Variants in FOXP1 observed in about 807,000 individuals in gnomAD.
FOXP1 encodes the protein forkhead box P1, also known as forkhead box protein P1.
A neutral mutation model predicts 98.2 loss-of-function variants in FOXP1; 15 were observed. The ratio of observed to expected loss-of-function variants is 0.15; its 90% CI spans 0.10 to 0.24. The LOEUF (loss-of-function observed/expected upper bound fraction) is 0.24. Among genes scored for constraint, FOXP1 ranks in the 10% least tolerant of loss-of-function variants. The pLI is 1.00. For missense variants in FOXP1, 633 were observed against 848.5 expected, an observed-to-expected ratio of 0.75 and a Z score of 3.15; for synonymous variants, 371 against 314.5, an observed-to-expected ratio of 1.18 and a Z score of -1.90.
chr3:71,143,794 T>C (rs940579783), intron 6 of FOXP1, among the ~76,000 whole-genome samples: 8 of 152,326 alleles, frequency 5.3e-5, no homozygotes, highest in Admixed American at 2.0e-4. Context: ...ATAAGCACCA[T>C]GTAAGTGTTA....
At chr3:71,318,721 G>A (rs2075223885) in intron 4 of FOXP1, among the ~76,000 whole-genome samples, 1 of 152,148 alleles carries the variant, frequency 6.6e-6, no homozygotes, top group Admixed American at 6.5e-5. Flanking sequence ...TTGTAAATCT[G>A]ACTATTCTGA....
At chr3:71,561,583 G>A (rs2046543749) in intron 2 of FOXP1, among the ~76,000 whole-genome samples, 1 of 152,122 alleles carries the variant, frequency 6.6e-6, no homozygotes, top group African/African-American at 2.4e-5. Flanking sequence ...GGAGATGCAA[G>A]TCTCTTCCCT....
At chr3:71,288,250 C>T (rs1292900597) in intron 5 of FOXP1, 1 of 152,180 alleles carries the variant, frequency 6.6e-6, no homozygotes, top group African/African-American at 2.4e-5. Context: ...TTCCTTCATC[C>T]AACACCATCT....
At chr3:71,428,757 GA>G (rs1456957216) in intron 3 of FOXP1, among the ~76,000 whole-genome samples, 4 of 152,230 alleles carry the variant, frequency 2.6e-5, no homozygotes, top group Admixed American at 6.5e-5. Context: ...CCTACAATGA[GA>G]TGTGGCCTGG....
At chr3:71,379,390 G>A (rs1469592153) in intron 3 of FOXP1, among the ~76,000 whole-genome samples, 1 of 152,012 alleles carries the variant, frequency 6.6e-6, no homozygotes, top group East Asian at 1.9e-4. Context: ...GTCTCATTTG[G>A]GTGCTGGTCT....
At chr3:71,100,601 A>C (rs943161613) in intron 7 of FOXP1, among the ~76,000 whole-genome samples, 9 of 152,242 alleles carry the variant, frequency 5.9e-5, no homozygotes, top group Admixed American at 5.9e-4. Context: ...TTTCTGAAGA[A>C]AGCAGACAAA....
chr3:71,315,426 T>G (rs1204664091), intron 4 of FOXP1, among the ~76,000 whole-genome samples: 3 of 152,210 alleles, frequency 2.0e-5, no homozygotes, highest in Admixed American at 2.0e-4. Flanking sequence ...GGATGTCCCC[T>G]GAGAACAGAT....
chr3:71,403,538 TTC>T (rs1421357283), intron 3 of FOXP1, among the ~76,000 whole-genome samples: 6 of 152,250 alleles, frequency 3.9e-5, no homozygotes, highest in African/African-American at 1.4e-4. Flanking sequence ...AAAGAGTTTA[TTC>T]TCTCTCTGTT....
chr3:71,001,217 C>T (rs1222937869), intron 12 of FOXP1, among the ~76,000 whole-genome samples, 158 bp from the exon 13 acceptor site: 3 of 152,190 alleles, frequency 2.0e-5, no homozygotes, highest in Non-Finnish European at 4.4e-5. Context: ...CCCTTTAATG[C>T]TGTCATTATG....
At chr3:71,066,842 G>GT (rs1322202907) in intron 7 of FOXP1, among the ~76,000 whole-genome samples, 2 of 152,228 alleles carry the variant, frequency 1.3e-5, no homozygotes, top group East Asian at 3.8e-4. Flanking sequence ...GCAGGTCAGT[G>GT]TTTATCAGCT....
chr3:71,154,868 G>C (rs1038457256), intron 6 of FOXP1, among the ~76,000 whole-genome samples: 6 of 152,120 alleles, frequency 3.9e-5, no homozygotes, highest in African/African-American at 1.4e-4. Context: ...GAGCCAAAGG[G>C]TGGGTTGTTT....
In FOXP1 at chr3:71,210,462, G is replaced by A. The variant is rs922025489; in HGVS notation, c.-11-12070C>T. Among the ~76,000 whole-genome samples, 52 of 152,120 alleles carry A rather than the reference G, an allele frequency of 3.4e-4. 3 individuals are homozygous for A. Among genetic ancestry groups the A allele is most frequent in the Non-Finnish European group, 1.5e-5 (1 of 68,032 alleles). On this transcript the variant is annotated intron_variant, in intron 5 of 20. Transcript: ENST00000649528. Reference sequence around the variant, plus strand: ...TGAGCATTCAGTGCCCTGGTAGGAGGCCATTTTTCAGGCTCAAGGACCTGT... The same window carrying A: ...TGAGCATTCAGTGCCCTGGTAGGAGACCATTTTTCAGGCTCAAGGACCTGT...
chr3:71,220,291 T>C (rs909755937), intron 5 of FOXP1, among the ~76,000 whole-genome samples: 1 of 152,218 alleles, frequency 6.6e-6, no homozygotes, highest in Non-Finnish European at 1.5e-5. Flanking sequence ...TAACTGATTA[T>C]AGGAACTGAG....
intron 2 of FOXP1, among the ~76,000 whole-genome samples, chr3:71,557,199 A>G (rs1163050788): frequency 6.6e-6 from 1 of 152,180 alleles, no homozygotes; most frequent in Non-Finnish European, 1.5e-5. Flanking sequence ...TCATACAGGT[A>G]TCTTTCTGAA....
intron 3 of FOXP1, among the ~76,000 whole-genome samples, chr3:71,458,132 T>C (rs941563834): frequency 2.0e-5 from 3 of 152,232 alleles, no homozygotes; most frequent in African/African-American, 4.8e-5. Flanking sequence ...TGCTATCTCA[T>C]TGATACAAGA....
chr3:71,015,164 C>CCAACAA (rs529565593), intron 12 of FOXP1, among the ~76,000 whole-genome samples: 12 of 150,536 alleles, frequency 8.0e-5, no homozygotes, highest in African/African-American at 3.0e-4. Flanking sequence ...GATGACACCT[C>CCAACAA]CAACAACAAC....
chr3:71,398,784 C>A (rs565917056), intron 3 of FOXP1, among the ~76,000 whole-genome samples: 1 of 152,252 alleles, frequency 6.6e-6, no homozygotes, highest in African/African-American at 2.4e-5. Flanking sequence ...ATGGTGGTGA[C>A]AAACAATTGT....
At chr3:71,168,150 T>C (rs1273108496) in intron 6 of FOXP1, among the ~76,000 whole-genome samples, 1 of 152,222 alleles carries the variant, frequency 6.6e-6, no homozygotes, top group African/African-American at 2.4e-5. Flanking sequence ...ATTATCCTTT[T>C]ATGAATTTTC....
intron 2 of FOXP1, among the ~76,000 whole-genome samples, chr3:71,578,277 C>G (rs2047884330): frequency 6.6e-6 from 1 of 152,110 alleles, no homozygotes; most frequent in East Asian, 1.9e-4. Flanking sequence ...GCTCTTCAGT[C>G]ACGGGTTAAA....
Sources: allele counts gnomAD v4.1 joint callset (sites outside exome capture counted in the v4.1 genomes callset), GRCh38; gene constraint gnomAD v4.1.1; transcripts MANE v1.5; gene names NCBI Gene and HGNC (gene_info 2026-07-23, HGNC 2026-07-21).